CHKA: variants seen among roughly 807,000 people sequenced by gnomAD.
The protein encoded by CHKA is CHETK-alpha.
In CHKA, 34 loss-of-function variants were observed where a neutral mutation model predicts 60.1. The ratio of observed to expected loss-of-function variants is 0.57; its 90% confidence interval spans 0.43 to 0.75. The LOEUF is 0.75. CHKA is among the 30% of genes least tolerant of loss of function. The pLI, the probability that CHKA is intolerant of heterozygous loss-of-function variation, is 0.00. For synonymous variants in CHKA, 217 were observed against 223.1 expected, an observed-to-expected ratio of 0.97 and a Z score of 0.24; for missense variants, 563 against 561.3, an observed-to-expected ratio of 1.00 and a Z score of -0.03.
intron 6 of CHKA, 117 bp from the exon 7 acceptor site, chr11:68,069,054 G>A: frequency 1.4e-6 from 1 of 690,580 alleles, no homozygotes; most frequent in South Asian, 1.6e-5. Context: ...CAGTTTCAGA[G>A]TAGTATCTGT....
intron 1 of CHKA, among the ~76,000 whole-genome samples, chr11:68,117,941 A>G (rs1231569560): frequency 6.6e-6 from 1 of 152,162 alleles, no homozygotes; most frequent in Non-Finnish European, 1.5e-5. Flanking sequence ...TGTGCAGAGG[A>G]GGGATTTCTG....
At chr11:68,088,503 G>A in intron 2 of CHKA, among the ~76,000 whole-genome samples, 1 of 152,046 alleles carries the variant, frequency 6.6e-6, no homozygotes, top group South Asian at 2.1e-4. Context: ...AGTCCCTGTT[G>A]ATGATGAAGC....
chr11:68,064,489 A>G, intron 10 of CHKA, 36 bp downstream of exon 10: 1 of 1,053,602 alleles, frequency 9.5e-7, no homozygotes, highest in Non-Finnish European at 1.4e-6. Flanking sequence ...TAAAGAGGAA[A>G]GCTATCTTTA....
chr11:68,120,334 G>T (rs190216551), intron 1 of CHKA, among the ~76,000 whole-genome samples: 1 of 152,280 alleles, frequency 6.6e-6, no homozygotes, highest in Admixed American at 6.5e-5. Context: ...TCTCTTAGGG[G>T]ATGAGAAAAT....
intron 2 of CHKA, among the ~76,000 whole-genome samples, chr11:68,092,378 C>G (rs1857379076): frequency 6.6e-6 from 1 of 152,062 alleles, no homozygotes; most frequent in Non-Finnish European, 1.5e-5. Context: ...CCATTATAGG[C>G]CAGATTCATT....
At position 68,095,570 on chromosome 11, in the gene CHKA, G is replaced by A. The variant is rs543912816; in HGVS notation, c.462+1449C>T. ...TAAAAATACAAAAAGTGAGCCAGGC[G>A]TGGTGGCAGGCACCTGTAGTCCCAG... On this transcript the variant is annotated intron_variant, in intron 2 of 11. Transcript: ENST00000265689. Among the ~76,000 whole-genome samples, 9 of 149,600 alleles carry A rather than the reference G, an allele frequency of 6.0e-5. No homozygotes were observed. In the South Asian group the frequency reaches 1.7e-3, roughly 28 times the overall value.
intron 1 of CHKA, among the ~76,000 whole-genome samples, chr11:68,103,309 T>C (rs975075580): frequency 1.4e-4 from 21 of 150,584 alleles, no homozygotes; most frequent in Non-Finnish European, 8.9e-5. Context: ...TGAGCTGTGA[T>C]TGTGCTACTG....
intron 2 of CHKA, among the ~76,000 whole-genome samples, chr11:68,096,394 G>A (rs928010320): frequency 6.6e-6 from 1 of 151,868 alleles, no homozygotes; most frequent in African/African-American, 2.4e-5. Context: ...TATTTCTACC[G>A]TGCTCAATGA....
chr11:68,055,875 T>A (rs1302268268), intron 11 of CHKA, among the ~76,000 whole-genome samples: 2 of 148,858 alleles, frequency 1.3e-5, no homozygotes, highest in African/African-American at 2.5e-5. Context: ...AGAAACCCCG[T>A]CTCTACTTAA....
intron 1 of CHKA, among the ~76,000 whole-genome samples, chr11:68,098,874 G>C (rs1363793390): frequency 2.1e-5 from 2 of 94,212 alleles, no homozygotes; most frequent in Non-Finnish European, 4.3e-5. Flanking sequence ...TTGTATTTTT[G>C]GTAGAAACGG....
intron 1 of CHKA, among the ~76,000 whole-genome samples, chr11:68,110,992 C>T (rs1444336905): frequency 7.0e-6 from 1 of 143,262 alleles, no homozygotes. Flanking sequence ...AATGAGACTC[C>T]ATCTCAAAAA....
At chr11:68,118,741 C>A (rs1477904197) in intron 1 of CHKA, among the ~76,000 whole-genome samples, 3 of 152,178 alleles carry the variant, frequency 2.0e-5, no homozygotes, top group Non-Finnish European at 4.4e-5. Flanking sequence ...GTCATCCAAT[C>A]CAAAAGGAAA....
At position 68,068,946 on chromosome 11, in the gene CHKA, A is replaced by C. The variant is rs762380281; in HGVS notation, c.870-9T>G. The stretch of plus-strand genomic sequence containing the variant: ...TAGATTCAAGCAATGATCTGAAAAG[A>C]AAGGTTTCACTGTTACCCATCACGC... On this transcript the variant is annotated splice_polypyrimidine_tract_variant and intron_variant, in intron 6 of 11. Coordinates refer to ENST00000265689, the MANE Select transcript of CHKA (RefSeq NM_001277.3). The C allele has an allele frequency of 4.3e-5, 69 of 1,609,542 alleles. No individual in the cohort carries two copies. In the East Asian group the frequency reaches 1.5e-3, roughly 36 times the overall value.
intron 10 of CHKA, among the ~76,000 whole-genome samples, chr11:68,064,305 A>G (rs1405446150): frequency 6.6e-6 from 1 of 151,988 alleles, no homozygotes; most frequent in African/African-American, 2.4e-5. Context: ...CTACTTGGGA[A>G]GCTGAGACAG....
intron 2 of CHKA, among the ~76,000 whole-genome samples, chr11:68,091,263 TG>T (rs1857340664): frequency 6.6e-6 from 1 of 152,242 alleles, no homozygotes; most frequent in South Asian, 2.1e-4. Flanking sequence ...CAGTTGAGTT[TG>T]GTTTTCATAA....
chr11:68,079,239 G>A (rs915782076), intron 3 of CHKA, among the ~76,000 whole-genome samples: 7 of 151,946 alleles, frequency 4.6e-5, no homozygotes, highest in Admixed American at 3.9e-4. Context: ...TTGCATCAAC[G>A]TTAATGTCCT....
At chr11:68,057,593 A>T (rs1383983204) in intron 11 of CHKA, among the ~76,000 whole-genome samples, 1 of 152,176 alleles carries the variant, frequency 6.6e-6, no homozygotes. Flanking sequence ...TGCTGGGATT[A>T]CAGGCGTGAG....
intron 2 of CHKA, among the ~76,000 whole-genome samples, chr11:68,096,119 T>G (rs959538863): frequency 4.0e-5 from 6 of 151,376 alleles, no homozygotes; most frequent in Non-Finnish European, 8.8e-5. Flanking sequence ...ATCCCAGCAC[T>G]TTGGGGGACC....
At position 68,081,476 on chromosome 11, in the gene CHKA, A is replaced by G. The variant is rs377430626; in HGVS notation, c.463-19T>C. 2.6e-5 allele frequency: 42 copies of G among 1,604,338 alleles called. No individual in the cohort carries two copies. The highest frequency in any genetic ancestry group is 1.2e-4 in the African/African-American group (9 of 74,686). Reference sequence around the variant, plus strand: ...AGGACCTCTATGAATGAGAAAAAGGAAACACTTCTGGTGAGATGGGGAACA... The same window carrying G: ...AGGACCTCTATGAATGAGAAAAAGGGAACACTTCTGGTGAGATGGGGAACA... On this transcript the variant is annotated intron_variant, in intron 2 of 11. Transcript: ENST00000265689.
Sources: allele counts gnomAD v4.1 joint callset (sites outside exome capture counted in the v4.1 genomes callset), GRCh38; gene constraint gnomAD v4.1.1; transcripts MANE v1.5; gene names NCBI Gene and HGNC (gene_info 2026-07-23, HGNC 2026-07-21).